The following IL1RAPL2 variants were observed in gnomAD, a reference collection of about 807,000 sequenced individuals.
The protein encoded by IL1RAPL2 is X-linked interleukin-1 receptor accessory protein-like 2.
In IL1RAPL2, 3 loss-of-function variants were observed where a neutral mutation model predicts 44.1. The observed-to-expected ratio is 0.07, with a 90% CI of 0.03 to 0.18. IL1RAPL2 has a LOEUF of 0.18. Among genes scored for constraint, IL1RAPL2 ranks in the 10% least tolerant of loss-of-function variants. The pLI is 1.00. For missense variants in IL1RAPL2, 391 were observed against 496.4 expected, an observed-to-expected ratio of 0.79 and a Z score of 2.02; for synonymous variants, 181 against 178.8, an observed-to-expected ratio of 1.01 and a Z score of -0.10.
intron 2 of IL1RAPL2, among the ~76,000 whole-genome samples, chrX:104,903,484 T>G (rs760190664): frequency 1.8e-5 from 2 of 111,829 alleles, no homozygotes; most frequent in South Asian, 7.5e-4. Context: ...TCTTGGGAGC[T>G]GTTTGAGCTG....
At chrX:105,072,547 G>C (rs1336982284) in intron 2 of IL1RAPL2, among the ~76,000 whole-genome samples, 1 of 111,333 alleles carries the variant, frequency 9.0e-6, no homozygotes, top group Non-Finnish European at 1.9e-5. Context: ...AATTTTGATA[G>C]TGATGTGGAC....
At chrX:104,807,292 A>T (rs996485887) in intron 2 of IL1RAPL2, among the ~76,000 whole-genome samples, 17 of 111,620 alleles carry the variant, frequency 1.5e-4, no homozygotes, top group Admixed American at 1.1e-3. Context: ...CAAATAAATG[A>T]CCACAACTCT....
chrX:105,546,875 A>AT (rs1378735945), intron 6 of IL1RAPL2, among the ~76,000 whole-genome samples: 1 of 112,243 alleles, frequency 8.9e-6, no homozygotes, highest in African/African-American at 3.2e-5. Context: ...ATATTAGTTG[A>AT]TTATTGTCAG....
intron 1 of IL1RAPL2, among the ~76,000 whole-genome samples, chrX:104,575,483 A>G (rs1928227778): frequency 9.0e-6 from 1 of 111,619 alleles, no homozygotes; most frequent in Non-Finnish European, 1.9e-5. Context: ...CAGTGATTCT[A>G]GAGGAATATG....
chrX:104,954,350 A>G (rs1399084285), intron 2 of IL1RAPL2, among the ~76,000 whole-genome samples: 4 of 111,920 alleles, frequency 3.6e-5, no homozygotes, highest in Non-Finnish European at 7.5e-5. Context: ...GAATTATATG[A>G]TCAATTCAAT....
chrX:105,088,905 C>T (rs2032508961), intron 2 of IL1RAPL2, among the ~76,000 whole-genome samples: 1 of 111,003 alleles, frequency 9.0e-6, no homozygotes, highest in Non-Finnish European at 1.9e-5. Context: ...ATAGCTGAGC[C>T]CCATTAGTGT....
At chrX:104,634,205 G>A (rs1331802319) in intron 1 of IL1RAPL2, among the ~76,000 whole-genome samples, 4 of 111,512 alleles carry the variant, frequency 3.6e-5, no homozygotes, top group Non-Finnish European at 5.6e-5. Flanking sequence ...TGTGGTCTGA[G>A]AGACAGTTTG....
At chrX:104,609,404 T>A (rs762284731) in intron 1 of IL1RAPL2, among the ~76,000 whole-genome samples, 1 of 112,191 alleles carries the variant, frequency 8.9e-6, no homozygotes, top group South Asian at 3.7e-4. Context: ...TGGTCTGTCT[T>A]GCTAGGTTGG....
intron 4 of IL1RAPL2, among the ~76,000 whole-genome samples, chrX:105,258,035 GTGTT>G (rs2034329244): frequency 9.0e-6 from 1 of 111,671 alleles, no homozygotes; most frequent in Admixed American, 9.6e-5. Flanking sequence ...ACTGGTCTGT[GTGTT>G]TAAGTGTGTT....
intron 1 of IL1RAPL2, among the ~76,000 whole-genome samples, chrX:104,642,572 C>T (rs951460885): frequency 2.7e-5 from 3 of 110,769 alleles, no homozygotes; most frequent in Admixed American, 9.6e-5. Context: ...GCAACCTCCA[C>T]CTCCCAGGTC....
chrX:104,653,653 T>G (rs187749460), intron 1 of IL1RAPL2, among the ~76,000 whole-genome samples: 223 of 111,494 alleles, frequency 2.0e-3, no homozygotes, highest in African/African-American at 7.0e-3. Context: ...TTTCTGAATT[T>G]AGGATATCAG....
intron 6 of IL1RAPL2, among the ~76,000 whole-genome samples, chrX:105,660,842 G>A (rs1258943781): frequency 9.0e-6 from 1 of 110,538 alleles, no homozygotes; most frequent in Non-Finnish European, 1.9e-5. Flanking sequence ...TTCACTAAAA[G>A]GAAGACAGAA....
At chrX:105,621,494 C>T (rs1334977824) in intron 6 of IL1RAPL2, among the ~76,000 whole-genome samples, 1 of 111,438 alleles carries the variant, frequency 9.0e-6, no homozygotes, top group Non-Finnish European at 1.9e-5. Flanking sequence ...AGATATTTCT[C>T]CTTGATGTAG....
intron 2 of IL1RAPL2, among the ~76,000 whole-genome samples, chrX:104,846,157 A>C (rs1221300562): frequency 1.8e-5 from 2 of 111,813 alleles, no homozygotes; most frequent in Non-Finnish European, 3.8e-5. Flanking sequence ...GAAACTATGA[A>C]GTAAAATTAA....
chrX:105,374,420 T>A (rs975899640), intron 5 of IL1RAPL2, among the ~76,000 whole-genome samples: 5 of 111,589 alleles, frequency 4.5e-5, no homozygotes, highest in African/African-American at 1.6e-4. Context: ...CTCTGTAGAT[T>A]GCTTTGGGCA....
At chrX:105,074,964 A>C (rs2032269849) in intron 2 of IL1RAPL2, among the ~76,000 whole-genome samples, 1 of 111,182 alleles carries the variant, frequency 9.0e-6, no homozygotes, top group African/African-American at 3.3e-5. Context: ...GGTTTTCTAG[A>C]TATACAATCA....
intron 2 of IL1RAPL2, among the ~76,000 whole-genome samples, chrX:105,179,162 TC>T (rs2033504140): frequency 9.2e-6 from 1 of 108,190 alleles, no homozygotes; most frequent in South Asian, 3.7e-4. Flanking sequence ...GTTGAGTTTC[TC>T]CTTGTATTTG....
At chrX:104,631,495 C>T (rs968502319) in intron 1 of IL1RAPL2, among the ~76,000 whole-genome samples, 2 of 111,273 alleles carry the variant, frequency 1.8e-5, no homozygotes, top group African/African-American at 3.3e-5. Flanking sequence ...TCCTCTCCAG[C>T]ACCTGTTGTT....
At chrX:104,637,263 A>G (rs1396333122) in intron 1 of IL1RAPL2, among the ~76,000 whole-genome samples, 3 of 111,196 alleles carry the variant, frequency 2.7e-5, no homozygotes, top group Non-Finnish European at 5.7e-5. Context: ...TGGCATCAGA[A>G]AAGAGGGACT....
Sources: allele counts gnomAD v4.1 joint callset (sites outside exome capture counted in the v4.1 genomes callset), GRCh38; gene constraint gnomAD v4.1.1; transcripts MANE v1.5; gene names NCBI Gene and HGNC (gene_info 2026-07-23, HGNC 2026-07-21).